The following GRM7 variants were observed in gnomAD, a reference collection of about 807,000 sequenced individuals.
GRM7 encodes metabotropic glutamate receptor 7.
In GRM7, 35 loss-of-function variants were observed where a neutral mutation model predicts 84.5. The observed-to-expected ratio is 0.41, with a 90% CI of 0.32 to 0.55. The LOEUF is 0.55. Ranked by LOEUF, GRM7 falls within the 20% of genes least tolerant of loss-of-function variation. The pLI is 0.19. For synonymous variants in GRM7, 487 were observed against 455.1 expected (o/e 1.07, Z -0.89); for missense variants, 1,003 against 1,194.6 (o/e 0.84, Z 2.36).
At chr3:7,147,473 T>C (rs1467705485) in intron 2 of GRM7, among the ~76,000 whole-genome samples, 1 of 152,166 alleles carries the variant, frequency 6.6e-6, no homozygotes, top group African/African-American at 2.4e-5. Flanking sequence ...TTTGTAAGCA[T>C]TTCATGCAAT....
chr3:7,212,624 G>T lies in GRM7; in HGVS notation c.736+65956G>T, dbSNP rs561657974. On this transcript the variant is annotated intron_variant, in intron 2 of 9. Transcript: ENST00000357716. ...AAGAAGGAAGGTAATTTTGTACAATGTAGCTTCCAGCTGAAAGAAAACTTT... is the reference window on the plus strand; with the variant it reads ...AAGAAGGAAGGTAATTTTGTACAATTTAGCTTCCAGCTGAAAGAAAACTTT... Among the ~76,000 whole-genome samples, 4 of 152,360 alleles carry T rather than the reference G, an allele frequency of 2.6e-5. No homozygotes were observed. In the South Asian group the frequency reaches 8.3e-4, roughly 32 times the overall value.
chr3:7,209,087 C>T (rs1425109611), intron 2 of GRM7, among the ~76,000 whole-genome samples: 4 of 152,122 alleles, frequency 2.6e-5, no homozygotes, highest in Admixed American at 6.5e-5. Context: ...TTACATTAGC[C>T]TACAGTTGAG....
At chr3:7,006,253 A>G (rs2124885470) in intron 1 of GRM7, among the ~76,000 whole-genome samples, 1 of 152,330 alleles carries the variant, frequency 6.6e-6, no homozygotes, top group East Asian at 1.9e-4. Context: ...ATGGATAGAA[A>G]ACTAATTAGA....
At chr3:7,549,690 C>G (rs1693350271) in intron 7 of GRM7, among the ~76,000 whole-genome samples, 1 of 152,176 alleles carries the variant, frequency 6.6e-6, no homozygotes, top group Non-Finnish European at 1.5e-5. Flanking sequence ...TAGCCAGAGT[C>G]CATGCTCTAT....
chr3:7,134,582 C>CATATTACTT (rs1693714026), intron 1 of GRM7, among the ~76,000 whole-genome samples: 2 of 152,082 alleles, frequency 1.3e-5, no homozygotes, highest in South Asian at 4.1e-4. Flanking sequence ...TGGATCAGGC[C>CATATTACTT]ATATTACTTC....
At chr3:7,005,381 A>G (rs1695149753) in intron 1 of GRM7, among the ~76,000 whole-genome samples, 1 of 152,218 alleles carries the variant, frequency 6.6e-6, no homozygotes, top group Non-Finnish European at 1.5e-5. Flanking sequence ...TTCATATCAC[A>G]TGAATAACAT....
At chr3:7,236,824 C>T (rs1697364704) in intron 2 of GRM7, among the ~76,000 whole-genome samples, 1 of 152,164 alleles carries the variant, frequency 6.6e-6, no homozygotes, top group Admixed American at 6.5e-5. Flanking sequence ...AAACCTGGTT[C>T]AGATCAGCAA....
chr3:7,331,553 C>G (rs1278432813), intron 4 of GRM7, among the ~76,000 whole-genome samples: 1 of 152,298 alleles, frequency 6.6e-6, no homozygotes, highest in East Asian at 1.9e-4. Flanking sequence ...AGTCATCTAG[C>G]TAATCTCTGT....
At chr3:7,191,259 C>T (rs943580945) in intron 2 of GRM7, among the ~76,000 whole-genome samples, 2 of 152,016 alleles carry the variant, frequency 1.3e-5, no homozygotes, top group African/African-American at 2.4e-5. Flanking sequence ...TCCTTCTCTT[C>T]TACTTCATGT....
chr3:7,501,030 A>G (rs3792473), intron 7 of GRM7, among the ~76,000 whole-genome samples: 73,035 of 152,034 alleles, frequency 0.48, 17,953 homozygotes, highest in East Asian at 0.72. Context: ...TTAGGCTTTT[A>G]TTGCACAGTA....
At chr3:6,982,469 A>G (rs1336804616) in intron 1 of GRM7, among the ~76,000 whole-genome samples, 1 of 152,210 alleles carries the variant, frequency 6.6e-6, no homozygotes, top group Non-Finnish European at 1.5e-5. Context: ...TATAAAAATC[A>G]ATTATGAGAC....
intron 1 of GRM7, among the ~76,000 whole-genome samples, chr3:6,872,705 C>T (rs1419269579): frequency 1.3e-5 from 2 of 151,794 alleles, no homozygotes; most frequent in African/African-American, 4.8e-5. Context: ...TGAGTGAGAA[C>T]ATGTGGTGTT....
At chr3:7,703,723 G>A (rs1255727268) in intron 9 of GRM7, among the ~76,000 whole-genome samples, 1 of 152,142 alleles carries the variant, frequency 6.6e-6, no homozygotes, top group African/African-American at 2.4e-5. Flanking sequence ...ATTCATGCTT[G>A]ACAATTATCC....
In GRM7 at chr3:7,741,502, G is replaced by A. The variant is rs888790925; in HGVS notation, c.*1096G>A. The A allele has an allele frequency of 6.6e-6, 1 of 152,576 alleles. No homozygotes were observed. Among genetic ancestry groups the A allele is most frequent in the African/African-American group, 2.4e-5 (1 of 41,432 alleles). 9.5% of individuals were successfully genotyped at this position (152,576 alleles called of 1,614,324 possible). A position where few individuals can be genotyped will look rare whatever the true frequency, so the allele number is the denominator to read the frequency against. On this transcript the variant is annotated 3_prime_UTR_variant, in exon 10 of 10. Coordinates refer to ENST00000357716, the MANE Select transcript of GRM7 (RefSeq NM_000844.4). ...CAATTCTGTGATATTGTCCAAGAAT[G>A]TATCAATAAAATACTTTGGTTAACT...
chr3:7,396,896 A>G (rs986089274), intron 4 of GRM7, among the ~76,000 whole-genome samples: 5 of 152,124 alleles, frequency 3.3e-5, no homozygotes, highest in African/African-American at 9.7e-5. Flanking sequence ...GGCATCTAAT[A>G]TTATTCTCCT....
chr3:7,328,263 A>G (rs1701060714), intron 4 of GRM7, among the ~76,000 whole-genome samples: 1 of 152,200 alleles, frequency 6.6e-6, no homozygotes, highest in Non-Finnish European at 1.5e-5. Flanking sequence ...ATTTGATTAA[A>G]AAGTTTTTGA....
intron 1 of GRM7, among the ~76,000 whole-genome samples, chr3:6,997,168 C>T (rs754580313): frequency 5.9e-5 from 9 of 151,534 alleles, no homozygotes; most frequent in Middle Eastern, 3.4e-3. Context: ...TTTTTAATTT[C>T]CAAGCTGGTT....
chr3:6,925,379 AAG>A (rs1442400056), intron 1 of GRM7, among the ~76,000 whole-genome samples: 1 of 152,158 alleles, frequency 6.6e-6, no homozygotes, highest in Non-Finnish European at 1.5e-5. Context: ...CCCTTCTCAA[AAG>A]AGTTACCTGC....
intron 9 of GRM7, among the ~76,000 whole-genome samples, chr3:7,717,477 A>T (rs1701806544): frequency 6.6e-6 from 1 of 152,208 alleles, no homozygotes; most frequent in South Asian, 2.1e-4. Context: ...AGGGCTTTCA[A>T]ATACATCATC....
Sources: allele counts gnomAD v4.1 joint callset (sites outside exome capture counted in the v4.1 genomes callset), GRCh38; gene constraint gnomAD v4.1.1; transcripts MANE v1.5; gene names NCBI Gene and HGNC (gene_info 2026-07-23, HGNC 2026-07-21).